XXYLT1: variants seen among roughly 807,000 people sequenced by gnomAD.
XXYLT1 encodes UDP-xylose:alpha-xyloside alpha-1,3-xylosyltransferase.
A neutral mutation model predicts 28.9 loss-of-function variants in XXYLT1; 20 were observed. The ratio of observed to expected loss-of-function variants is 0.69; its 90% CI spans 0.49 to 1.00. XXYLT1 has a LOEUF of 1.00. Among genes scored for constraint, XXYLT1 ranks in the 50% least tolerant of loss-of-function variants. XXYLT1 has a pLI of 0.00. For synonymous variants in XXYLT1, 257 were observed against 253.8 expected (o/e 1.01, Z -0.12); for missense variants, 542 against 560.1 (o/e 0.97, Z 0.33).
chr3:195,131,262 T>C (rs1256039426), intron 3 of XXYLT1, among the ~76,000 whole-genome samples: 1 of 152,230 alleles, frequency 6.6e-6, no homozygotes, highest in Non-Finnish European at 1.5e-5. Flanking sequence ...TCCCCATTCA[T>C]TTCCAAACAC....
Position 195,176,893 on chromosome 3 carries a change from G to A in XXYLT1, c.653-20312C>T. Among the ~76,000 whole-genome samples, 1 of 152,196 alleles carries A rather than the reference G, an allele frequency of 6.6e-6. No individual in the cohort carries two copies. Among genetic ancestry groups the A allele is most frequent in the Non-Finnish European group, 1.5e-5 (1 of 68,040 alleles). ...AGAGGTAGGACAAGGCCGACTCCTT[G>A]GAACCAGCAAGAAACTCTCAAGCCC... On this transcript the variant is annotated intron_variant, in intron 2 of 3. Coordinates refer to ENST00000310380, the MANE Select transcript of XXYLT1 (RefSeq NM_152531.5). The surrounding 1 kb of genome is among the most constrained non-coding windows in gnomAD (Gnocchi z 4.9).
intron 1 of XXYLT1, among the ~76,000 whole-genome samples, chr3:195,227,826 C>A (rs183695608): frequency 6.6e-6 from 1 of 152,284 alleles, no homozygotes; most frequent in African/African-American, 2.4e-5. Context: ...CAGCTCAACC[C>A]GCGATTAGAG....
At chr3:195,087,650 G>A (rs538426234) in intron 3 of XXYLT1, among the ~76,000 whole-genome samples, 2 of 152,290 alleles carry the variant, frequency 1.3e-5, no homozygotes, top group Non-Finnish European at 2.9e-5. Flanking sequence ...AGATCAAAGC[G>A]GGCATTAAAA....
intron 3 of XXYLT1, among the ~76,000 whole-genome samples, chr3:195,108,509 G>A (rs939228287): frequency 6.7e-6 from 1 of 149,806 alleles, no homozygotes; most frequent in Non-Finnish European, 1.5e-5. Context: ...ATACAGTCAC[G>A]CATCGCTTAA....
At chr3:195,207,712 G>A (rs914577985) in intron 2 of XXYLT1, among the ~76,000 whole-genome samples, 3 of 152,142 alleles carry the variant, frequency 2.0e-5, no homozygotes, top group Non-Finnish European at 4.4e-5. Context: ...AAATAAATAA[G>A]CTGTAAGATA....
intron 3 of XXYLT1, among the ~76,000 whole-genome samples, chr3:195,148,443 TA>T (rs1719989951): frequency 7.1e-6 from 1 of 141,434 alleles, no homozygotes. Context: ...CAATCTTGGT[TA>T]ATTTTTTTTT....
intron 1 of XXYLT1, among the ~76,000 whole-genome samples, chr3:195,252,921 G>T (rs1209902029): frequency 1.3e-5 from 2 of 152,152 alleles, no homozygotes; most frequent in Admixed American, 6.5e-5. Flanking sequence ...ACCGCAGGTG[G>T]GTCCCCTATT....
intron 3 of XXYLT1, among the ~76,000 whole-genome samples, chr3:195,110,894 TGTGG>T (rs1294645107): frequency 1.2e-4 from 9 of 72,736 alleles, no homozygotes; most frequent in South Asian, 8.1e-4. Context: ...TGTGCGTGTG[TGTGG>T]GTGAGGTGTG....
intron 1 of XXYLT1, among the ~76,000 whole-genome samples, chr3:195,232,325 CA>C (rs200517980): frequency 2.7e-5 from 4 of 146,276 alleles, no homozygotes; most frequent in Admixed American, 6.7e-5. Flanking sequence ...TTCAAAATAC[CA>C]AAAAAAAACT....
At chr3:195,072,242 A>G (rs1714862863) in intron 3 of XXYLT1, among the ~76,000 whole-genome samples, 1 of 150,448 alleles carries the variant, frequency 6.6e-6, no homozygotes, top group African/African-American at 2.5e-5. Flanking sequence ...GCACCTGCAG[A>G]TTCACTGAGC....
At position 195,238,110 on chromosome 3, in the gene XXYLT1, C is replaced by T. The variant is rs75597621; in HGVS notation, c.505-11254G>A. On this transcript the variant is annotated intron_variant, in intron 1 of 3. Coordinates refer to ENST00000310380, the MANE Select transcript of XXYLT1 (RefSeq NM_152531.5). ...TACAGTCCGAATCCTCTAGCAAGGCCTCTAAGCCGCTGCAATAGTGGTTCT... is the reference window on the plus strand; with the variant it reads ...TACAGTCCGAATCCTCTAGCAAGGCTTCTAAGCCGCTGCAATAGTGGTTCT... Among the ~76,000 whole-genome samples the T allele has an allele frequency of 1.9e-4, 29 of 152,332 alleles. No individual in the cohort carries two copies. The East Asian group carries it at 5.6e-3, about 29-fold the overall frequency.
Position 195,151,943 on chromosome 3 carries a change from A to G in XXYLT1, c.785+4506T>C, listed in dbSNP as rs565090832. On this transcript the variant is annotated intron_variant, in intron 3 of 3. Coordinates refer to ENST00000310380, the MANE Select transcript of XXYLT1 (RefSeq NM_152531.5). Reference sequence around the variant, plus strand: ...CTCTTTAATGAGGGTCTCTCTCACAACAGAAACTTCCACTATTACTTCATT... The same window carrying G: ...CTCTTTAATGAGGGTCTCTCTCACAGCAGAAACTTCCACTATTACTTCATT... Among the ~76,000 whole-genome samples, 174 of 152,292 alleles carry G rather than the reference A, an allele frequency of 1.1e-3. No homozygotes were observed. The highest frequency in any genetic ancestry group is 4.0e-3 in the African/African-American group (165 of 41,550).
intron 2 of XXYLT1, among the ~76,000 whole-genome samples, chr3:195,198,024 A>G (rs537522200): frequency 6.6e-6 from 1 of 152,340 alleles, no homozygotes; most frequent in South Asian, 2.1e-4. Flanking sequence ...GCTCTCCCCT[A>G]TCCATGAAAT....
At chr3:195,134,826 GGTGTGTGTGTGTGTGTGTGTGT>G (rs3073321) in intron 3 of XXYLT1, among the ~76,000 whole-genome samples, 1 of 145,480 alleles carries the variant, frequency 6.9e-6, no homozygotes, top group African/African-American at 2.6e-5. Context: ...CGTGAAGAGG[GGTGTGTGTGTGTGTGTGTGTGT>G]GTGTGTGTGT....
At chr3:195,104,289 T>C (rs1205762909) in intron 3 of XXYLT1, among the ~76,000 whole-genome samples, 1 of 151,640 alleles carries the variant, frequency 6.6e-6, no homozygotes, top group Non-Finnish European at 1.5e-5. Context: ...AACGAGGCTC[T>C]AGGAACAGAA....
At chr3:195,131,251 C>G (rs566787882) in intron 3 of XXYLT1, among the ~76,000 whole-genome samples, 2 of 152,346 alleles carry the variant, frequency 1.3e-5, no homozygotes, top group Admixed American at 1.3e-4. Flanking sequence ...CTCTTTCCGT[C>G]TCCCCATTCA....
intron 2 of XXYLT1, among the ~76,000 whole-genome samples, chr3:195,219,610 C>G (rs1278492432): frequency 6.6e-6 from 1 of 152,206 alleles, no homozygotes; most frequent in Non-Finnish European, 1.5e-5. Context: ...CTTTCTCATG[C>G]AGGCCTGTGA....
chr3:195,155,969 C>T (rs1720567210), intron 3 of XXYLT1, among the ~76,000 whole-genome samples: 1 of 152,230 alleles, frequency 6.6e-6, no homozygotes, highest in Non-Finnish European at 1.5e-5. Flanking sequence ...TCAAATGCAG[C>T]ATCATGCGGA....
intron 1 of XXYLT1, among the ~76,000 whole-genome samples, chr3:195,243,509 T>A (rs1381804805): frequency 6.6e-6 from 1 of 152,124 alleles, no homozygotes; most frequent in East Asian, 1.9e-4. Context: ...AAAATTTATG[T>A]CTGAAATTAT....
Sources: allele counts gnomAD v4.1 joint callset (sites outside exome capture counted in the v4.1 genomes callset), GRCh38; gene constraint gnomAD v4.1.1; non-coding constraint Gnocchi (gnomAD v3.1); transcripts MANE v1.5; gene names NCBI Gene and HGNC (gene_info 2026-07-23, HGNC 2026-07-21).